Variants in LYST observed in about 807,000 individuals in gnomAD.
LYST encodes the protein lysosomal-trafficking regulator.
In LYST, 192 loss-of-function variants were observed where a neutral mutation model predicts 413.6. That is an observed-to-expected ratio of 0.46 (90% confidence interval 0.41 to 0.52). LYST has a LOEUF of 0.52. LYST is among the 20% of genes least tolerant of loss of function. The pLI is 0.00. For synonymous variants in LYST, 1,525 were observed against 1,567.3 expected (o/e 0.97, Z 0.64); for missense variants, 3,815 against 4,499.9 (o/e 0.85, Z 4.35).
rs41305552 is a variant in LYST at position 235,757,218 on chromosome 1, T to C, written c.7059+63A>G. On this transcript the variant is annotated intron_variant, in intron 24 of 52. Coordinates refer to ENST00000389793, the MANE Select transcript of LYST (RefSeq NM_000081.4). ...TCTACTTTAATGTATATACTCAAAA[T>C]TTTAAATTACATATATATTTATTTT... 5.5e-3 allele frequency: 6,384 copies of C among 1,164,466 alleles called. 28 individuals carry two copies. Among genetic ancestry groups the C allele is most frequent in the Non-Finnish European group, 6.9e-3 (5,606 of 817,784 alleles). 72.1% of individuals were successfully genotyped at this position (1,164,466 alleles called of 1,614,324 possible).
At chr1:235,743,346 G>C (rs1665601716) in intron 30 of LYST, among the ~76,000 whole-genome samples, 2 of 152,090 alleles carry the variant, frequency 1.3e-5, no homozygotes, top group South Asian at 2.1e-4. Flanking sequence ...AAGTGAATCT[G>C]TACTTGGTTT....
intron 1 of LYST, among the ~76,000 whole-genome samples, chr1:235,876,048 C>A (rs1681118219): frequency 1.3e-5 from 2 of 151,552 alleles, no homozygotes; most frequent in Admixed American, 6.6e-5. Context: ...CATGGTGAAA[C>A]CCCATCTCTA....
chr1:235,694,601 A>G (rs550392967), intron 46 of LYST, among the ~76,000 whole-genome samples: 23 of 152,332 alleles, frequency 1.5e-4, no homozygotes, highest in African/African-American at 5.5e-4. Context: ...TAGTGAAAAT[A>G]GGCAATTCAC....
At chr1:235,852,235 A>T (rs1486473300) in intron 1 of LYST, among the ~76,000 whole-genome samples, 1 of 152,156 alleles carries the variant, frequency 6.6e-6, no homozygotes, top group Non-Finnish European at 1.5e-5. Flanking sequence ...CTTAGTAACA[A>T]CTCATGCCTC....
intron 42 of LYST, chr1:235,712,434 A>G (rs1334687960): frequency 1.1e-5 from 4 of 351,584 alleles, no homozygotes; most frequent in Non-Finnish European, 1.9e-5. Context: ...AGATTAGTTT[A>G]TATCATCTAT....
At chr1:235,811,964 C>T (rs565915119) in intron 4 of LYST, among the ~76,000 whole-genome samples, 1 of 151,978 alleles carries the variant, frequency 6.6e-6, no homozygotes, top group East Asian at 1.9e-4. Context: ...TTAAAAAAAG[C>T]TCCATGAAAT....
At chr1:235,754,017 A>T (rs974501735) in intron 25 of LYST, among the ~76,000 whole-genome samples, 1 of 152,010 alleles carries the variant, frequency 6.6e-6, no homozygotes, top group Non-Finnish European at 1.5e-5. Flanking sequence ...TTGGGAGAAA[A>T]ATATTCTTTT....
At chr1:235,734,757 T>C (rs1664673266) in intron 31 of LYST, 98 bp from the exon 32 acceptor site, 3 of 784,784 alleles carry the variant, frequency 3.8e-6, no homozygotes, top group Non-Finnish European at 6.1e-6. Context: ...ATTTATTTGG[T>C]TGCATCTGAT....
chr1:235,800,471 AG>A, intron 9 of LYST, 85 bp from the exon 10 acceptor site: 1 of 789,134 alleles, frequency 1.3e-6, no homozygotes, highest in South Asian at 1.4e-5. Flanking sequence ...ATTCTATGAT[AG>A]GGTATCTACT....
intron 10 of LYST, among the ~76,000 whole-genome samples, chr1:235,797,211 C>A (rs1671647769): frequency 6.6e-6 from 1 of 152,056 alleles, no homozygotes; most frequent in Non-Finnish European, 1.5e-5. Flanking sequence ...GAGAACAACC[C>A]AAATGTCCAT....
At chr1:235,744,651 G>A (rs1020238663) in intron 29 of LYST, among the ~76,000 whole-genome samples, 1 of 151,888 alleles carries the variant, frequency 6.6e-6, no homozygotes, top group Non-Finnish European at 1.5e-5. Context: ...TGTAATCCCA[G>A]CACTGTGGGA....
rs774738373 is a variant in LYST at position 235,777,239 on chromosome 1, G to T, written c.5284C>A (p.Leu1762Ile). ...AGTTGGGTTTTCATTTGACCTTTAA[G>T]TCTAATCACTGGTTCATAGATGGTA... ...QYTIYEPVIR[L>I]KGQMKTQLSQ... The change falls in exon 17 of 53, where the codon CTT (leucine) becomes ATT (isoleucine). Residue 1762 changes from leucine to isoleucine, a missense_variant. Physicochemically the swap from Leu to Ile is conservative, Grantham distance 5 (BLOSUM62 2). Around this residue, in one of 4 missense-constraint regions of LYST, gnomAD observed 530 missense variants for 696.5 expected, o/e 0.76. Transcript: ENST00000389793. 1 of 1,613,208 alleles carries T rather than the reference G, an allele frequency of 6.2e-7. No homozygotes were observed. The highest frequency in any genetic ancestry group is 8.5e-7 in the Non-Finnish European group (1 of 1,179,300).
At chr1:235,861,230 T>C (rs906477780) in intron 1 of LYST, among the ~76,000 whole-genome samples, 4 of 152,248 alleles carry the variant, frequency 2.6e-5, no homozygotes, top group African/African-American at 9.6e-5. Flanking sequence ...AAGAATCATA[T>C]TTGAATGGAA....
intron 45 of LYST, among the ~76,000 whole-genome samples, chr1:235,699,467 C>T (rs1212579682): frequency 6.6e-6 from 1 of 152,056 alleles, no homozygotes; most frequent in African/African-American, 2.4e-5. Flanking sequence ...TTTTCTTTAT[C>T]TAGTCTATCA....
chr1:235,779,832 G>C (rs1393720837), intron 16 of LYST, among the ~76,000 whole-genome samples: 1 of 152,008 alleles, frequency 6.6e-6, no homozygotes, highest in Non-Finnish European at 1.5e-5. Flanking sequence ...CAAAACAGTA[G>C]TCTCCTTCAA....
chr1:235,698,247 A>G (rs1332650546), intron 45 of LYST, among the ~76,000 whole-genome samples: 5 of 152,254 alleles, frequency 3.3e-5, no homozygotes, highest in Admixed American at 3.3e-4. Flanking sequence ...ATTTTCAGTC[A>G]TTTCTGTAAA....
Position 235,709,154 on chromosome 1 carries a change from C to A in LYST, c.10080G>T (p.Leu3360Phe). 1 of 1,614,090 alleles carries A rather than the reference C, an allele frequency of 6.2e-7. No individual in the cohort carries two copies. The change falls in exon 44 of 53, where the codon TTG (leucine) becomes TTT (phenylalanine). Residue 3360 changes from leucine to phenylalanine, a missense_variant. Physicochemically the swap from Leu to Phe is conservative, Grantham distance 22. Around this residue, in one of 4 missense-constraint regions of LYST, gnomAD observed 866 missense variants for 1,156.0 expected, o/e 0.75. Transcript: ENST00000389793. ...TCCCCTTTTGCTTATACCCAAACAC[C>A]AAGTCAATCCACTGACAGATGTTCT... The part of the protein sequence containing the change: ...VSQNICQWID[L>F]VFGYKQKGKA...
rs538398013 is a variant in LYST, at chr1:235,807,526, T to G, written c.2364-754A>C. On this transcript the variant is annotated intron_variant, in intron 5 of 52. Coordinates refer to ENST00000389793, the MANE Select transcript of LYST (RefSeq NM_000081.4). ...AAACAATGCCAAAATGTCAGAAAAA[T>G]TTTTAAATGACTGTAAGGCATTGAT... Among the ~76,000 whole-genome samples the G allele has an allele frequency of 2.6e-5, 4 of 152,202 alleles. No homozygotes were observed. The South Asian group carries it at 8.3e-4, about 32-fold the overall frequency.
intron 1 of LYST, among the ~76,000 whole-genome samples, chr1:235,874,423 T>A (rs72763447): frequency 0.016 from 2,419 of 152,284 alleles, 30 homozygotes; most frequent in Middle Eastern, 0.031. Flanking sequence ...GTGCGTAGGA[T>A]TCTCTGGAGC....
Sources: gnomAD v4.1 joint callset for allele counts (sites outside exome capture counted in the v4.1 genomes callset) on GRCh38, gnomAD v4.1.1 for gene constraint, gnomAD v4.1.1 regional missense constraint, MANE v1.5 for transcripts, NCBI Gene and HGNC (gene_info 2026-07-23, HGNC 2026-07-21) for gene names.